Variants in EML6 observed in about 807,000 individuals in gnomAD.
EML6 encodes the protein EMAP like 6.
In EML6, 154 loss-of-function variants were observed where a neutral mutation model predicts 240.1. That is an observed-to-expected ratio of 0.64 (90% CI 0.56 to 0.73). The LOEUF is 0.73. Ranked by LOEUF, EML6 falls within the 30% of genes least tolerant of loss-of-function variation. The pLI, the probability that EML6 is intolerant of heterozygous loss-of-function variation, is 0.00. For missense variants in EML6, 2,964 were observed against 2,474.6 expected (o/e 1.20, Z -4.20); for synonymous variants, 1,148 against 899.0 (o/e 1.28, Z -4.95).
Position 54,971,798 on chromosome 2 carries a change from T to TAATG in EML6, c.*1705_*1708dup. 6.6e-6 allele frequency: 1 copy of TAATG among 151,874 alleles called. No individual in the cohort carries two copies. Among genetic ancestry groups the TAATG allele is most frequent in the East Asian group, 1.9e-4 (1 of 5,192 alleles). 9.4% of individuals were successfully genotyped at this position (151,874 alleles called of 1,614,324 possible). ...CCATGTGGAAGAACAATGAATCGAT[T>TAATG]AATGATGACATGTACAACCATATTT... On this transcript the variant is annotated 3_prime_UTR_variant, in exon 42 of 42. Coordinates refer to ENST00000356458, the MANE Select transcript of EML6 (RefSeq NM_001039753.4).
At chr2:54,872,675 C>T (rs556678710) in intron 16 of EML6, among the ~76,000 whole-genome samples, 37 of 152,306 alleles carry the variant, frequency 2.4e-4, no homozygotes, top group African/African-American at 6.3e-4. Context: ...ATTTTTAACC[C>T]ACCAGCCCAT....
chr2:54,939,137 T>C (rs1675298034), intron 28 of EML6, among the ~76,000 whole-genome samples: 3 of 152,268 alleles, frequency 2.0e-5, no homozygotes, highest in Non-Finnish European at 4.4e-5. Context: ...ATGGATTAGA[T>C]ATCAAATTCT....
chr2:54,898,702 C>T (rs1188928974), intron 21 of EML6, among the ~76,000 whole-genome samples: 2 of 152,174 alleles, frequency 1.3e-5, no homozygotes, highest in Admixed American at 1.3e-4. Flanking sequence ...CTACAAACAC[C>T]TTTCAGATGC....
At chr2:54,771,080 G>A (rs1369770063) in intron 2 of EML6, among the ~76,000 whole-genome samples, 1 of 152,160 alleles carries the variant, frequency 6.6e-6, no homozygotes, top group African/African-American at 2.4e-5. Context: ...TGGGCAGTTA[G>A]ATGCATGAGT....
chr2:54,894,575 G>C (rs1672658979), intron 19 of EML6, among the ~76,000 whole-genome samples: 1 of 152,166 alleles, frequency 6.6e-6, no homozygotes, highest in African/African-American at 2.4e-5. Context: ...AACTCTGCTA[G>C]GTTTTGAGGC....
chr2:54,912,435 C>T (rs573153171), intron 25 of EML6, among the ~76,000 whole-genome samples: 2 of 152,166 alleles, frequency 1.3e-5, no homozygotes, highest in East Asian at 1.9e-4. Context: ...ATTTTAGATT[C>T]GGGGATACAT....
chr2:54,960,316 C>T lies in EML6; in HGVS notation c.4950C>T (p.Arg1650=), dbSNP rs916491657. 6.4e-7 allele frequency: 1 copy of T among 1,550,546 alleles called. No homozygotes were observed. Among genetic ancestry groups the T allele is most frequent in the Non-Finnish European group, 8.7e-7 (1 of 1,146,768 alleles). The stretch of plus-strand genomic sequence containing the variant: ...CCGGGCAGCTGGTGGAGTGTGTGCG[C>T]TCCGTGTGCCGTGGAAAAGTGAGCA... ...LETGQLVECV[R]SVCRGKGKIL... The change falls in exon 35 of 42, where the codon CGC becomes CGT. Residue 1650 remains arginine (R), a synonymous_variant. Coordinates refer to ENST00000356458, the MANE Select transcript of EML6 (RefSeq NM_001039753.4).
chr2:54,953,811 CA>C (rs1676099897), intron 31 of EML6, among the ~76,000 whole-genome samples, 171 bp from the exon 32 acceptor site: 1 of 151,210 alleles, frequency 6.6e-6, no homozygotes, highest in South Asian at 2.1e-4. Flanking sequence ...CGTGTGAACC[CA>C]GGACGTGGAG....
At position 54,957,831 on chromosome 2, in the gene EML6, T is replaced by C. The variant is rs1223357021; in HGVS notation, c.4528T>C (p.Phe1510Leu). Residue 1510 changes from phenylalanine (F) to leucine (L), a missense_variant, in exon 33 of 42, where the codon TTT becomes CTT. Coordinates refer to ENST00000356458, the MANE Select transcript of EML6 (RefSeq NM_001039753.4). ...CCGAGGGGGTCACCTGGAGCGCATA[T>C]TTGTGGTGGAATTTCGCCCCGACTC... is the stretch of plus-strand genomic sequence containing the variant. Reference protein sequence around the residue: ...ASRGGHLERIFVVEFRPDSDT... With the variant: ...ASRGGHLERILVVEFRPDSDT... 10 of 1,550,228 alleles carry C rather than the reference T, an allele frequency of 6.5e-6. No individual in the cohort carries two copies. The highest frequency in any genetic ancestry group is 8.7e-6 in the Non-Finnish European group (10 of 1,146,994).
At chr2:54,816,079 T>C (rs753611269) in intron 3 of EML6, among the ~76,000 whole-genome samples, 20 of 152,242 alleles carry the variant, frequency 1.3e-4, no homozygotes, top group Non-Finnish European at 2.5e-4. Context: ...AATCTACTTA[T>C]AGTTCAGATT....
At position 54,941,982 on chromosome 2, in the gene EML6, A is replaced by G. The variant is rs146042005; in HGVS notation, c.4005-6900A>G. Among the ~76,000 whole-genome samples the G allele has an allele frequency of 3.6e-4, 55 of 152,320 alleles. 2 individuals are homozygous for G. The East Asian group carries it at 7.1e-3, about 20-fold the overall frequency. On this transcript the variant is annotated intron_variant, in intron 28 of 41. Coordinates refer to ENST00000356458, the MANE Select transcript of EML6 (RefSeq NM_001039753.4). The stretch of plus-strand genomic sequence containing the variant: ...CTGAAATTAATCATCTCCAAGGCCT[A>G]TTGCTTAGTTAGGTAACTCCACTAA...
intron 18 of EML6, among the ~76,000 whole-genome samples, chr2:54,892,137 T>G (rs1036688485): frequency 5.9e-5 from 9 of 152,192 alleles, no homozygotes; most frequent in Middle Eastern, 3.2e-3. Flanking sequence ...GACGCATGTC[T>G]TGGACTGAGA....
chr2:54,794,177 G>GC (rs550752351), intron 2 of EML6, among the ~76,000 whole-genome samples: 116 of 152,252 alleles, frequency 7.6e-4, no homozygotes, highest in Non-Finnish European at 1.3e-3. Context: ...TAGGCAGCTG[G>GC]CCCTGCTGCT....
chr2:54,922,299 A>G (rs1674297487), intron 26 of EML6, among the ~76,000 whole-genome samples: 1 of 152,258 alleles, frequency 6.6e-6, no homozygotes, highest in South Asian at 2.1e-4. Context: ...CAGGTATGTG[A>G]AAAGATGTTC....
intron 2 of EML6, among the ~76,000 whole-genome samples, chr2:54,798,840 C>G (rs1171822000): frequency 1.3e-5 from 2 of 152,128 alleles, no homozygotes. Context: ...AATAAAAATC[C>G]TTGCCTTGGT....
chr2:54,819,263 C>G (rs747695460), intron 4 of EML6, among the ~76,000 whole-genome samples: 1 of 152,128 alleles, frequency 6.6e-6, no homozygotes, highest in Non-Finnish European at 1.5e-5. Context: ...GAATGCGTTC[C>G]ATGGATCTAC....
chr2:54,789,532 A>AAAAAAAAAAG (rs1669303646), intron 2 of EML6, among the ~76,000 whole-genome samples: 2 of 143,344 alleles, frequency 1.4e-5, no homozygotes, highest in African/African-American at 2.5e-5. Context: ...AAAAAAAAAA[A>AAAAAAAAAAG]AAAAAAAAAA....
intron 7 of EML6, among the ~76,000 whole-genome samples, chr2:54,829,839 T>C (rs1668779531): frequency 6.6e-6 from 1 of 152,224 alleles, no homozygotes; most frequent in African/African-American, 2.4e-5. Flanking sequence ...CAAATTTTGT[T>C]TTAAATAGCT....
In EML6 at chr2:54,844,202, C is replaced by A. The variant is rs758364048; in HGVS notation, c.1003C>A (p.Pro335Thr). 6.4e-7 allele frequency: 1 copy of A among 1,551,656 alleles called. No homozygotes were observed. Among genetic ancestry groups the A allele is most frequent in the Non-Finnish European group, 8.7e-7 (1 of 1,146,992 alleles). ...TGAGCTCTGGGCTCTGGCCCTGCAC[C>A]CCAAGAAGCCTCTGGCTGTGACAGG... ...EGELWALALH[P>T]KKPLAVTGSD... is the part of the protein sequence containing the mutation. Residue 335 changes from proline (P) to threonine (T), a missense_variant, in exon 8 of 42, where the codon CCC (proline) becomes ACC (threonine). Pro to Thr is a conservative substitution (Grantham distance 38, BLOSUM62 -1). Coordinates refer to ENST00000356458, the MANE Select transcript of EML6 (RefSeq NM_001039753.4).
Sources: allele counts gnomAD v4.1 joint callset (sites outside exome capture counted in the v4.1 genomes callset), GRCh38; gene constraint gnomAD v4.1.1; transcripts MANE v1.5; gene names NCBI Gene and HGNC (gene_info 2026-07-23, HGNC 2026-07-21).